Variants in RBBP4 observed in about 807,000 individuals in gnomAD.
The protein encoded by RBBP4 is histone-binding protein RBBP4.
A neutral mutation model predicts 57.2 loss-of-function variants in RBBP4; 3 were observed. The ratio of observed to expected loss-of-function variants is 0.05; its 90% CI spans 0.02 to 0.14. The LOEUF is 0.14. Among genes scored for constraint, RBBP4 ranks in the 10% least tolerant of loss-of-function variants. RBBP4 has a pLI of 1.00. For synonymous variants in RBBP4, 151 were observed against 171.5 expected, an observed-to-expected ratio of 0.88 and a Z score of 0.93; for missense variants, 107 against 520.6, an observed-to-expected ratio of 0.21 and a Z score of 7.73.
At chr1:32,678,205 A>C (rs1475513586) in intron 11 of RBBP4, among the ~76,000 whole-genome samples, 1 of 152,152 alleles carries the variant, frequency 6.6e-6, no homozygotes, top group African/African-American at 2.4e-5. Context: ...AGCCCTAGGC[A>C]GCCACCAAGC....
At chr1:32,655,500 A>C (rs1019153643) in intron 2 of RBBP4, among the ~76,000 whole-genome samples, 4 of 152,044 alleles carry the variant, frequency 2.6e-5, no homozygotes, top group Middle Eastern at 3.2e-3. Context: ...TTCTGTTCAT[A>C]TCTCTCTTCA....
intron 3 of RBBP4, among the ~76,000 whole-genome samples, chr1:32,663,866 A>G (rs919915203): frequency 6.6e-5 from 10 of 151,818 alleles, no homozygotes; most frequent in African/African-American, 2.4e-4. Flanking sequence ...TTGAGCCACC[A>G]CGCCTGGCCT....
chr1:32,655,365 T>G (rs969605656), intron 2 of RBBP4, among the ~76,000 whole-genome samples: 1 of 151,458 alleles, frequency 6.6e-6, no homozygotes, highest in Non-Finnish European at 1.5e-5. Context: ...TTCTGGTGTT[T>G]ACCCAGATCC....
intron 3 of RBBP4, 64 bp from the exon 4 acceptor site, chr1:32,668,161 A>C (rs919568550): frequency 1.4e-6 from 2 of 1,452,658 alleles, no homozygotes; most frequent in African/African-American, 2.9e-5. Context: ...CTGTGTTCTT[A>C]TACTCTGGGT....
chr1:32,664,802 C>T (rs1258331459), intron 3 of RBBP4, among the ~76,000 whole-genome samples: 1 of 151,988 alleles, frequency 6.6e-6, no homozygotes, highest in Non-Finnish European at 1.5e-5. Flanking sequence ...ATGTGCATAT[C>T]TCAGAGATAT....
chr1:32,667,130 A>G (rs1248242655), intron 3 of RBBP4, among the ~76,000 whole-genome samples: 2 of 152,086 alleles, frequency 1.3e-5, no homozygotes, highest in African/African-American at 2.4e-5. Flanking sequence ...GGGAGATTGG[A>G]TATTATCCAG....
Position 32,651,209 on chromosome 1 carries a change from G to A in RBBP4, c.-98G>A. On this transcript the variant is annotated 5_prime_UTR_variant, in exon 1 of 12. Coordinates refer to ENST00000373493, the MANE Select transcript of RBBP4 (RefSeq NM_005610.3). ...GTCAGCCCTCGCGCTGGGGGCGCAG[G>A]AAACAATAGAGGCCGCGCGCACAGA... is the stretch of plus-strand genomic sequence containing the variant. The A allele has an allele frequency of 1.0e-5, 15 of 1,467,538 alleles. No homozygotes were observed. Among genetic ancestry groups the A allele is most frequent in the Admixed American group, 2.4e-5 (1 of 41,882 alleles). The allele number at this position is 1,467,538 out of a possible 1,614,324, so 90.9% of individuals were successfully genotyped here.
rs1010750925 is a variant in RBBP4, at chr1:32,667,651, A to C, written c.311-574A>C. Among the ~76,000 whole-genome samples, 5 of 152,160 alleles carry C rather than the reference A, an allele frequency of 3.3e-5. No homozygotes were observed. The South Asian group carries it at 1.0e-3, about 32-fold the overall frequency. On this transcript the variant is annotated intron_variant, in intron 3 of 11. Coordinates refer to ENST00000373493, the MANE Select transcript of RBBP4 (RefSeq NM_005610.3). Reference sequence around the variant, plus strand: ...GCTAAGCCCCGTAGGGCTGGACCCTACATCAGTAGAATTCTAGTTTTCCTT... The same window carrying C: ...GCTAAGCCCCGTAGGGCTGGACCCTCCATCAGTAGAATTCTAGTTTTCCTT...
Position 32,678,259 on chromosome 1 carries a change from T to A in RBBP4, c.1213-1381T>A, listed in dbSNP as rs79465555. Among the ~76,000 whole-genome samples, 1,446 of 152,240 alleles carry A rather than the reference T, an allele frequency of 9.5e-3. 21 individuals carry two copies. The highest frequency in any genetic ancestry group is 0.033 in the African/African-American group (1,383 of 41,548). ...GGACCCCTGTTTTTTTTAGACGAAG[T>A]CTTGCCCCCCAGGCTGGAGTGCAGT... On this transcript the variant is annotated intron_variant, in intron 11 of 11. Coordinates refer to ENST00000373493, the MANE Select transcript of RBBP4 (RefSeq NM_005610.3).
At chr1:32,661,285 A>G (rs1288229685) in intron 3 of RBBP4, among the ~76,000 whole-genome samples, 1 of 138,894 alleles carries the variant, frequency 7.2e-6, no homozygotes, top group Non-Finnish European at 1.5e-5. Context: ...GTTGAATGGT[A>G]GTTCTATTTT....
chr1:32,685,952 T>G lies in RBBP4; in HGVS notation c.*6247T>G, dbSNP rs1450083311. 6.6e-6 allele frequency: 1 copy of G among 152,216 alleles called. No individual in the cohort carries two copies. Among genetic ancestry groups the G allele is most frequent in the East Asian group, 1.9e-4 (1 of 5,204 alleles). The allele number at this position is 152,216 out of a possible 1,614,324, so 9.4% of individuals were successfully genotyped here. A position where few individuals can be genotyped will look rare whatever the true frequency, so the allele number is the denominator to read the frequency against. Reference sequence around the variant, plus strand: ...AGTGGCATTCAGACCCCCTCTAGTTTGACCCCTACCTCCAACTTGAACCTC... The same window carrying G: ...AGTGGCATTCAGACCCCCTCTAGTTGGACCCCTACCTCCAACTTGAACCTC... On this transcript the variant is annotated 3_prime_UTR_variant, in exon 12 of 12. Coordinates refer to ENST00000373493, the MANE Select transcript of RBBP4 (RefSeq NM_005610.3).
chr1:32,681,682 G>C lies in RBBP4; in HGVS notation c.*1977G>C. 2 of 1,016,486 alleles carry C rather than the reference G, an allele frequency of 2.0e-6. No individual in the cohort carries two copies. Among genetic ancestry groups the C allele is most frequent in the Admixed American group, 2.2e-5 (1 of 44,922 alleles). 63.0% of individuals were successfully genotyped at this position (1,016,486 alleles called of 1,614,324 possible). A position where few individuals can be genotyped will look rare whatever the true frequency, so the allele number is the denominator to read the frequency against. On this transcript the variant is annotated 3_prime_UTR_variant, in exon 12 of 12. Coordinates refer to ENST00000373493, the MANE Select transcript of RBBP4 (RefSeq NM_005610.3). Reference sequence around the variant, plus strand: ...CATGTTCTGCCTCCGGCCAACTCTAGAATCTTTTTAAGCAGGTCAGCCAGT... The same window carrying C: ...CATGTTCTGCCTCCGGCCAACTCTACAATCTTTTTAAGCAGGTCAGCCAGT...
chr1:32,671,944 T>A (rs1257455441), intron 8 of RBBP4, among the ~76,000 whole-genome samples: 1 of 152,046 alleles, frequency 6.6e-6, no homozygotes, highest in Non-Finnish European at 1.5e-5. Flanking sequence ...AAAGCTTATA[T>A]CCTGGGTCTA....
intron 8 of RBBP4, among the ~76,000 whole-genome samples, chr1:32,671,241 G>A (rs186923133): frequency 6.6e-6 from 1 of 152,234 alleles, no homozygotes. Flanking sequence ...TAGTTCTTAG[G>A]TCAGAATTGG....
At chr1:32,663,295 C>T (rs183335169) in intron 3 of RBBP4, among the ~76,000 whole-genome samples, 1 of 152,232 alleles carries the variant, frequency 6.6e-6, no homozygotes, top group East Asian at 1.9e-4. Flanking sequence ...TCATGTTATA[C>T]CTCACGTTTG....
chr1:32,652,952 A>G (rs1051354068), intron 2 of RBBP4, among the ~76,000 whole-genome samples: 8 of 152,212 alleles, frequency 5.3e-5, no homozygotes, highest in Non-Finnish European at 1.2e-4. Flanking sequence ...ATAGTTATAT[A>G]TGGTGACAGC....
intron 3 of RBBP4, among the ~76,000 whole-genome samples, chr1:32,666,760 ATAGT>A (rs529938333): frequency 8.4e-4 from 128 of 152,368 alleles, no homozygotes; most frequent in Admixed American, 2.8e-3. Context: ...AATAAAGAAA[ATAGT>A]TAGAATAAGA....
At chr1:32,666,281 T>C (rs1488885070) in intron 3 of RBBP4, among the ~76,000 whole-genome samples, 2 of 152,250 alleles carry the variant, frequency 1.3e-5, no homozygotes, top group Non-Finnish European at 2.9e-5. Context: ...TAGCACACTG[T>C]GTACTTAATA....
chr1:32,670,241 T>C (rs1415186979), intron 8 of RBBP4, among the ~76,000 whole-genome samples: 1 of 152,214 alleles, frequency 6.6e-6, no homozygotes, highest in African/African-American at 2.4e-5. Context: ...TTCAGCCTTG[T>C]TTCTGACACT....
Sources: allele counts gnomAD v4.1 joint callset (sites outside exome capture counted in the v4.1 genomes callset), GRCh38; gene constraint gnomAD v4.1.1; transcripts MANE v1.5; gene names NCBI Gene and HGNC (gene_info 2026-07-23, HGNC 2026-07-21).